Variants in DLGAP2 observed in about 807,000 individuals in gnomAD.
DLGAP2 encodes the protein DLG associated protein 2.
Under a neutral mutation model 100.3 loss-of-function variants are expected in DLGAP2, and 26 were observed. The ratio of observed to expected loss-of-function variants is 0.26; its 90% CI spans 0.19 to 0.36. The LOEUF (loss-of-function observed/expected upper bound fraction) is 0.36, where lower values mean the gene tolerates loss of function less well. Among genes scored for constraint, DLGAP2 ranks in the 10% least tolerant of loss-of-function variants. The pLI is 1.00. For missense variants in DLGAP2, 1,858 were observed against 1,453.2 expected (o/e 1.28, Z -4.53); for synonymous variants, 886 against 630.1 (o/e 1.41, Z -6.08).
At chr8:1,077,697 C>A (rs771092272) in intron 2 of DLGAP2, among the ~76,000 whole-genome samples, 1 of 152,172 alleles carries the variant, frequency 6.6e-6, no homozygotes, top group Non-Finnish European at 1.5e-5. Flanking sequence ...TCTTAAGAAG[C>A]CCTTGAGCTA....
intron 2 of DLGAP2, among the ~76,000 whole-genome samples, chr8:948,863 C>T (rs1048190664): frequency 1.3e-5 from 2 of 152,232 alleles, no homozygotes; most frequent in Non-Finnish European, 2.9e-5. Context: ...TGAAGCCACT[C>T]GGGAGCCAGG....
At chr8:1,596,407 C>G (rs1290301266) in intron 6 of DLGAP2, among the ~76,000 whole-genome samples, 1 of 152,190 alleles carries the variant, frequency 6.6e-6, no homozygotes, top group East Asian at 1.9e-4. Context: ...ATTGCTGGGT[C>G]AAATTGTATT....
chr8:779,686 C>G (rs1330912860), intron 1 of DLGAP2, among the ~76,000 whole-genome samples: 1 of 151,996 alleles, frequency 6.6e-6, no homozygotes, highest in African/African-American at 2.4e-5. Flanking sequence ...GTTTCTAGAA[C>G]TTTCTTCTAC....
At chr8:1,045,120 T>C (rs1802480605) in intron 2 of DLGAP2, among the ~76,000 whole-genome samples, 1 of 152,196 alleles carries the variant, frequency 6.6e-6, no homozygotes, top group Non-Finnish European at 1.5e-5. Context: ...ACCACAGAGG[T>C]TGAACGCAGA....
chr8:1,689,152 C>A (rs565494917), intron 12 of DLGAP2, among the ~76,000 whole-genome samples: 1 of 152,184 alleles, frequency 6.6e-6, no homozygotes, highest in African/African-American at 2.4e-5. Flanking sequence ...CCCTGGACCT[C>A]GGTTTCGACT....
chr8:1,667,099 A>G (rs979241679), intron 8 of DLGAP2, among the ~76,000 whole-genome samples: 1 of 151,992 alleles, frequency 6.6e-6, no homozygotes, highest in Non-Finnish European at 1.5e-5. Flanking sequence ...GTTGCTTTGC[A>G]CTCTGATGAG....
chr8:1,698,560 G>C (rs1379416362), intron 14 of DLGAP2, among the ~76,000 whole-genome samples: 1 of 146,586 alleles, frequency 6.8e-6, no homozygotes, highest in Non-Finnish European at 1.5e-5. Flanking sequence ...ACAGGTCCAA[G>C]TAAGCCATGC....
chr8:1,417,656 C>G (rs1202398630), intron 3 of DLGAP2, among the ~76,000 whole-genome samples: 9 of 146,846 alleles, frequency 6.1e-5, no homozygotes, highest in Non-Finnish European at 1.4e-4. Flanking sequence ...GAGCCCCACT[C>G]CTGCCTCACT....
chr8:1,602,960 G>T (rs1458665515), intron 6 of DLGAP2, among the ~76,000 whole-genome samples: 1 of 152,254 alleles, frequency 6.6e-6, no homozygotes, highest in African/African-American at 2.4e-5. Context: ...AGGGTGGAAG[G>T]CTGGCTCTCA....
At chr8:812,538 C>A (rs1288173105) in intron 1 of DLGAP2, among the ~76,000 whole-genome samples, 1 of 152,170 alleles carries the variant, frequency 6.6e-6, no homozygotes, top group African/African-American at 2.4e-5. Flanking sequence ...GTGGCAAAGA[C>A]AGTGTCATTA....
intron 8 of DLGAP2, among the ~76,000 whole-genome samples, chr8:1,652,680 T>C (rs184459827): frequency 2.4e-4 from 37 of 152,346 alleles, no homozygotes; most frequent in Middle Eastern, 3.4e-3. Context: ...TGTGCACTTA[T>C]GTAAAACTTA....
intron 4 of DLGAP2, among the ~76,000 whole-genome samples, chr8:1,510,782 A>G (rs1339490902): frequency 6.6e-6 from 1 of 152,256 alleles, no homozygotes; most frequent in Admixed American, 6.5e-5. Context: ...CCCCAAGGAA[A>G]CTAAAATATT....
At chr8:792,759 G>T (rs986738481) in intron 1 of DLGAP2, among the ~76,000 whole-genome samples, 1 of 152,170 alleles carries the variant, frequency 6.6e-6, no homozygotes, top group Non-Finnish European at 1.5e-5. Flanking sequence ...CATTTTGTAA[G>T]TTTTGAATGA....
In DLGAP2 at chr8:787,929, C is replaced by T. The variant is rs566142509; in HGVS notation, c.18+50104C>T. Reference sequence around the variant, plus strand: ...AAATTGATTAAAACCACCTTGCTCACGTATGGTGGCATTCCAGGTCTGGCG... The same window carrying T: ...AAATTGATTAAAACCACCTTGCTCATGTATGGTGGCATTCCAGGTCTGGCG... On this transcript the variant is annotated intron_variant, in intron 1 of 14. Transcript: ENST00000637795. Among the ~76,000 whole-genome samples, 29 of 152,300 alleles carry T rather than the reference C, an allele frequency of 1.9e-4. No individual in the cohort carries two copies. In the Middle Eastern group the frequency reaches 0.014, roughly 71 times the overall value.
chr8:1,384,652 TGATG>T (rs1796174567), intron 3 of DLGAP2, among the ~76,000 whole-genome samples: 2 of 131,810 alleles, frequency 1.5e-5, no homozygotes, highest in African/African-American at 3.1e-5. Flanking sequence ...CCTGAGAACT[TGATG>T]CACAGTTACC....
At chr8:1,466,006 C>T (rs557543889) in intron 3 of DLGAP2, among the ~76,000 whole-genome samples, 1 of 152,094 alleles carries the variant, frequency 6.6e-6, no homozygotes, top group Non-Finnish European at 1.5e-5. Context: ...CAGCAGAGGC[C>T]GTGGGAGTCA....
intron 3 of DLGAP2, among the ~76,000 whole-genome samples, chr8:1,273,884 A>C (rs1799631158): frequency 1.3e-5 from 2 of 152,210 alleles, no homozygotes; most frequent in Non-Finnish European, 2.9e-5. Context: ...TATGGACTTT[A>C]ATATCTTCAT....
intron 3 of DLGAP2, among the ~76,000 whole-genome samples, chr8:1,267,738 T>C (rs1427590149): frequency 6.6e-6 from 1 of 152,108 alleles, no homozygotes; most frequent in Non-Finnish European, 1.5e-5. Flanking sequence ...TCTGTTGGAC[T>C]TCCTTTGCCA....
chr8:1,258,942 G>T, intron 3 of DLGAP2, 59 bp downstream of exon 3: 2 of 1,208,144 alleles, frequency 1.7e-6, no homozygotes, highest in Non-Finnish European at 2.1e-6. Context: ...CAGGTGTGTG[G>T]CTGGCAACAG....
Sources: gnomAD v4.1 joint callset for allele counts (sites outside exome capture counted in the v4.1 genomes callset) on GRCh38, gnomAD v4.1.1 for gene constraint, MANE v1.5 for transcripts, NCBI Gene and HGNC (gene_info 2026-07-23, HGNC 2026-07-21) for gene names.